Variants in TENM3 observed in about 807,000 individuals in gnomAD.
TENM3 encodes the protein teneurin transmembrane protein 3, also known as teneurin-3.
TENM3 carries 63 observed loss-of-function variants against 255.1 expected under a neutral mutation model. The ratio of observed to expected loss-of-function variants is 0.25; its 90% CI spans 0.20 to 0.30. The LOEUF (loss-of-function observed/expected upper bound fraction) is 0.30. TENM3 is among the 10% of genes least tolerant of loss of function. The pLI, the probability that TENM3 is intolerant of heterozygous loss-of-function variation, is 1.00. For missense variants in TENM3, 2,929 were observed against 3,461.1 expected, an observed-to-expected ratio of 0.85 and a Z score of 3.86; for synonymous variants, 1,306 against 1,322.3, an observed-to-expected ratio of 0.99 and a Z score of 0.27.
chr4:182,617,260 G>A (rs1270419628), intron 4 of TENM3, among the ~76,000 whole-genome samples: 1 of 152,158 alleles, frequency 6.6e-6, no homozygotes, highest in Non-Finnish European at 1.5e-5. Flanking sequence ...AGGCGTTATG[G>A]AAGGTAACAC....
At chr4:181,563,049 C>G in the TENM3 span, among the ~76,000 whole-genome samples, 1 of 152,166 alleles carries the variant, frequency 6.6e-6, no homozygotes. Context: ...ATCATATGAC[C>G]GCAACTAGCT....
chr4:182,750,369 A>G (rs1762285927), intron 19 of TENM3, among the ~76,000 whole-genome samples: 1 of 152,078 alleles, frequency 6.6e-6, no homozygotes, highest in African/African-American at 2.4e-5. Context: ...ATTTCTCTGT[A>G]TACTAACATC....
chr4:182,271,676 T>G, intron 1 of TENM3, among the ~76,000 whole-genome samples: 1 of 152,362 alleles, frequency 6.6e-6, no homozygotes, highest in Non-Finnish European at 1.5e-5. Context: ...GGCGATATTT[T>G]TACGGGGCTT....
chr4:181,843,355 C>A, the TENM3 span, among the ~76,000 whole-genome samples: 1 of 152,170 alleles, frequency 6.6e-6, no homozygotes, highest in African/African-American at 2.4e-5. Context: ...TCCTAACAAG[C>A]TGCTTGTAAT....
At chr4:182,633,615 T>C (rs1389331421) in intron 5 of TENM3, among the ~76,000 whole-genome samples, 1 of 152,238 alleles carries the variant, frequency 6.6e-6, no homozygotes, top group Non-Finnish European at 1.5e-5. Flanking sequence ...ATATCTGCCA[T>C]GGTGCATGTG....
the TENM3 span, among the ~76,000 whole-genome samples, chr4:181,729,145 A>G: frequency 7.9e-5 from 12 of 152,346 alleles, no homozygotes; most frequent in African/African-American, 1.7e-4. Flanking sequence ...CACAGATATA[A>G]TTCTGTACAT....
the TENM3 span, among the ~76,000 whole-genome samples, chr4:181,854,745 A>G: frequency 6.6e-6 from 1 of 152,148 alleles, no homozygotes; most frequent in Non-Finnish European, 1.5e-5. Context: ...TTCTTATGTA[A>G]TATTTTTCTA....
At chr4:182,770,104 CGA>C (rs1491091424) in intron 22 of TENM3, among the ~76,000 whole-genome samples, 2 of 111,222 alleles carry the variant, frequency 1.8e-5, no homozygotes, top group African/African-American at 6.7e-5. Flanking sequence ...AGACTTGTCT[CGA>C]AAAAAAAAAA....
intron 4 of TENM3, among the ~76,000 whole-genome samples, chr4:182,620,085 T>C (rs1290004595): frequency 6.6e-6 from 1 of 152,158 alleles, no homozygotes; most frequent in Admixed American, 6.5e-5. Context: ...TTTTGCAGAA[T>C]TTTTTACGTG....
At chr4:182,077,746 T>C in the TENM3 span, among the ~76,000 whole-genome samples, 983 of 152,128 alleles carry the variant, frequency 6.5e-3, 73 homozygotes, top group East Asian at 0.17. Context: ...TAATGGGAGC[T>C]GAAGAGTAAG....
chr4:182,291,206 T>C (rs1761100667), intron 1 of TENM3, among the ~76,000 whole-genome samples: 2 of 151,958 alleles, frequency 1.3e-5, no homozygotes, highest in African/African-American at 4.8e-5. Flanking sequence ...ATCCAAGGAG[T>C]GTGCCCCGAG....
At chr4:182,631,694 C>CA (rs1751389809) in intron 5 of TENM3, 1 of 152,228 alleles carries the variant, frequency 6.6e-6, no homozygotes, top group Admixed American at 6.5e-5. Flanking sequence ...CAACCTTTAA[C>CA]AGAAATGCAG....
At chr4:181,685,321 A>G in the TENM3 span, among the ~76,000 whole-genome samples, 10 of 152,312 alleles carry the variant, frequency 6.6e-5, no homozygotes, top group African/African-American at 2.2e-4. Context: ...GAAACTGAAG[A>G]TTTCAAATAT....
Position 182,653,902 on chromosome 4 carries a change from A to G in TENM3, c.1111+9A>G. The G allele has an allele frequency of 6.2e-7, 1 of 1,604,874 alleles. No individual in the cohort carries two copies. Among genetic ancestry groups the G allele is most frequent in the Non-Finnish European group, 8.5e-7 (1 of 1,176,094 alleles). Reference sequence around the variant, plus strand: ...ACCTTCTGGAGACAATGGTAAGCGAAAGAATTATGTATCCTGTGTTTCTCT... The same window carrying G: ...ACCTTCTGGAGACAATGGTAAGCGAGAGAATTATGTATCCTGTGTTTCTCT... On this transcript the variant is annotated intron_variant, in intron 6 of 27. Transcript: ENST00000511685.
At chr4:182,087,457 G>A in the TENM3 span, among the ~76,000 whole-genome samples, 5 of 152,256 alleles carry the variant, frequency 3.3e-5, no homozygotes, top group African/African-American at 1.2e-4. Context: ...CCAGGAGATC[G>A]TTTGGTGCTT....
chr4:181,684,213 G>A, the TENM3 span, among the ~76,000 whole-genome samples: 8 of 152,288 alleles, frequency 5.3e-5, no homozygotes, highest in African/African-American at 1.9e-4. Flanking sequence ...TTATTCACGA[G>A]TGCATGTGGG....
chr4:182,490,403 A>G (rs1318468362), intron 3 of TENM3, among the ~76,000 whole-genome samples: 3 of 152,098 alleles, frequency 2.0e-5, no homozygotes, highest in Non-Finnish European at 4.4e-5. Flanking sequence ...GGTCATTGGT[A>G]CTATCTTTAA....
chr4:182,532,507 A>G (rs554265724), intron 3 of TENM3, among the ~76,000 whole-genome samples: 1 of 152,326 alleles, frequency 6.6e-6, no homozygotes, highest in Admixed American at 6.5e-5. Context: ...TCAGTTTTTC[A>G]ATTAAACTTT....
At chr4:181,605,540 A>G in the TENM3 span, among the ~76,000 whole-genome samples, 1,109 of 33,598 alleles carry the variant, frequency 0.033, 131 homozygotes, top group African/African-American at 0.057. Flanking sequence ...GAAAGAAAGA[A>G]AGAAAGAAAG....
Sources: gnomAD v4.1 joint callset for allele counts (sites outside exome capture counted in the v4.1 genomes callset) on GRCh38, gnomAD v4.1.1 for gene constraint, MANE v1.5 for transcripts, NCBI Gene and HGNC (gene_info 2026-07-23, HGNC 2026-07-21) for gene names.